CACNA1A: variants seen among roughly 807,000 people sequenced by gnomAD.
The protein encoded by CACNA1A is calcium voltage-gated channel subunit alpha1 A.
CACNA1A carries 57 observed loss-of-function variants against 262.4 expected under a neutral mutation model. That is an observed-to-expected ratio of 0.22 (90% CI 0.18 to 0.27). The LOEUF (loss-of-function observed/expected upper bound fraction) is 0.27, where lower values mean the gene tolerates loss of function less well. Ranked by LOEUF, CACNA1A falls within the 10% of genes least tolerant of loss-of-function variation. The pLI, the probability that CACNA1A is intolerant of heterozygous loss-of-function variation, is 1.00. For missense variants in CACNA1A, 2,526 were observed against 3,562.8 expected (o/e 0.71, Z 7.41); for synonymous variants, 1,431 against 1,419.3 (o/e 1.01, Z -0.18).
At chr19:13,401,884 C>T (rs538776943) in intron 3 of CACNA1A, among the ~76,000 whole-genome samples, 2 of 152,144 alleles carry the variant, frequency 1.3e-5, no homozygotes, top group Non-Finnish European at 2.9e-5. Context: ...ACTGTGTTGC[C>T]CAGGTTGGCG....
intron 38 of CACNA1A, among the ~76,000 whole-genome samples, chr19:13,221,609 G>A (rs1473715702): frequency 6.6e-6 from 1 of 151,848 alleles, no homozygotes; most frequent in African/African-American, 2.4e-5. Flanking sequence ...ATCCCCTTTC[G>A]GGCCTCCGAA....
intron 19 of CACNA1A, among the ~76,000 whole-genome samples, chr19:13,297,796 C>T (rs1256122418): frequency 6.6e-6 from 1 of 151,710 alleles, no homozygotes; most frequent in Non-Finnish European, 1.5e-5. Flanking sequence ...GGGCAACAGG[C>T]GAGACCCTGT....
intron 6 of CACNA1A, among the ~76,000 whole-genome samples, chr19:13,351,694 G>A (rs1377120937): frequency 6.6e-6 from 1 of 152,116 alleles, no homozygotes; most frequent in Non-Finnish European, 1.5e-5. Flanking sequence ...ATTTTTAGTA[G>A]AGACGGGGTT....
chr19:13,319,891 G>A (rs191940036), intron 10 of CACNA1A, among the ~76,000 whole-genome samples: 1 of 152,298 alleles, frequency 6.6e-6, no homozygotes, highest in East Asian at 1.9e-4. Context: ...CTAGTAACCA[G>A]TGAAGATGTG....
intron 3 of CACNA1A, among the ~76,000 whole-genome samples, chr19:13,380,509 T>C (rs1412320130): frequency 6.7e-6 from 1 of 150,142 alleles, no homozygotes; most frequent in Non-Finnish European, 1.5e-5. Context: ...TAGCTGGGCG[T>C]GGCGGTGGGC....
chr19:13,263,495 T>C (rs2056787839), intron 24 of CACNA1A: 1 of 152,102 alleles, frequency 6.6e-6, no homozygotes, highest in Non-Finnish European at 1.5e-5. Context: ...AAGCCCTTGG[T>C]CTAGGAGTTT....
At position 13,209,518 on chromosome 19, in the gene CACNA1A, G is replaced by A. The variant is rs1421970804; in HGVS notation, c.6340-20C>T. 8 of 1,285,852 alleles carry A rather than the reference G, an allele frequency of 6.2e-6. No individual in the cohort carries two copies. The highest frequency in any genetic ancestry group is 3.1e-5 in the South Asian group (1 of 32,406). 79.7% of individuals were successfully genotyped at this position (1,285,852 alleles called of 1,614,324 possible). A position where few individuals can be genotyped will look rare whatever the true frequency, so the allele number is the denominator to read the frequency against. ...GATGGTCTGGGGGAGGGGACAGGCC[G>A]GTGGGCTGGGGTCAGCAGCTAGCAC... On this transcript the variant is annotated intron_variant, in intron 44 of 46. Coordinates refer to ENST00000360228, the MANE Select transcript of CACNA1A (RefSeq NM_001127222.2).
chr19:13,209,071 C>T, intron 45 of CACNA1A, 62 bp from the exon 46 acceptor site: 1 of 1,532,954 alleles, frequency 6.5e-7, no homozygotes, highest in Non-Finnish European at 8.7e-7. Flanking sequence ...GGGGCAGATG[C>T]ACACACAGGA....
chr19:13,411,780 C>T (rs2060114771), intron 3 of CACNA1A, among the ~76,000 whole-genome samples: 2 of 152,038 alleles, frequency 1.3e-5, no homozygotes, highest in South Asian at 2.1e-4. Flanking sequence ...GGTGCAACTA[C>T]AGCTCACTAC....
intron 1 of CACNA1A, among the ~76,000 whole-genome samples, chr19:13,487,194 G>A (rs1278119753): frequency 2.0e-5 from 3 of 152,152 alleles, no homozygotes; most frequent in African/African-American, 7.2e-5. Flanking sequence ...TTAACTAGGA[G>A]AAACCCAGCT....
At position 13,504,686 on chromosome 19, in the gene CACNA1A, C is replaced by T. The variant is rs1479026135; in HGVS notation, c.293+1246G>A. On this transcript the variant is annotated intron_variant, in intron 1 of 46. Transcript: ENST00000360228. ...TTACACAGAGGGCAGCTGGTTGGAA[C>T]TGTGCGGAGAAGCGGCACATCTGGG... Among the ~76,000 whole-genome samples the T allele has an allele frequency of 3.9e-5, 6 of 152,348 alleles. No homozygotes were observed. The East Asian group carries it at 1.2e-3, about 29-fold the overall frequency.
At chr19:13,268,648 A>G (rs2056930462) in intron 24 of CACNA1A, among the ~76,000 whole-genome samples, 1 of 151,862 alleles carries the variant, frequency 6.6e-6, no homozygotes, top group Non-Finnish European at 1.5e-5. Context: ...GTTAGCCAGG[A>G]TGGTCTCCAT....
At chr19:13,477,669 A>G (rs925467246) in intron 1 of CACNA1A, among the ~76,000 whole-genome samples, 1 of 152,214 alleles carries the variant, frequency 6.6e-6, no homozygotes, top group African/African-American at 2.4e-5. Context: ...GACAAAATAG[A>G]TAAAGCTGAG....
chr19:13,328,494 A>G (rs1200164466), intron 10 of CACNA1A, among the ~76,000 whole-genome samples: 3 of 152,344 alleles, frequency 2.0e-5, no homozygotes, highest in African/African-American at 7.2e-5. Flanking sequence ...TGGGGAATCC[A>G]TGAACATATG....
chr19:13,310,515 T>TGTAGAGAGAG (rs1555760548), intron 12 of CACNA1A, among the ~76,000 whole-genome samples: 1 of 69,372 alleles, frequency 1.4e-5, no homozygotes, highest in Non-Finnish European at 2.6e-5. Context: ...TATATATATG[T>TGTAGAGAGAG]AGAGAGAGAG....
chr19:13,213,566 C>T (rs978102930), intron 40 of CACNA1A, among the ~76,000 whole-genome samples: 3 of 152,034 alleles, frequency 2.0e-5, no homozygotes, highest in Non-Finnish European at 4.4e-5. Context: ...CCCATGGGTG[C>T]ATCCCCGAGG....
intron 1 of CACNA1A, among the ~76,000 whole-genome samples, chr19:13,491,292 G>A (rs1379892324): frequency 6.6e-6 from 1 of 152,178 alleles, no homozygotes; most frequent in African/African-American, 2.4e-5. Context: ...AAAAATAAGT[G>A]CCATGAGCTC....
At chr19:13,230,623 G>C (rs1291718523) in intron 35 of CACNA1A, among the ~76,000 whole-genome samples, 2 of 151,976 alleles carry the variant, frequency 1.3e-5, no homozygotes, top group African/African-American at 2.4e-5. Flanking sequence ...TGGTCAACAT[G>C]GTGAAACACT....
intron 6 of CACNA1A, among the ~76,000 whole-genome samples, chr19:13,344,895 C>T (rs2058737431): frequency 6.6e-6 from 1 of 151,948 alleles, no homozygotes; most frequent in Admixed American, 6.6e-5. Flanking sequence ...GCTGGGATTA[C>T]AGGCACGCAC....
Sources: gnomAD v4.1 joint callset for allele counts (sites outside exome capture counted in the v4.1 genomes callset) on GRCh38, gnomAD v4.1.1 for gene constraint, MANE v1.5 for transcripts, NCBI Gene and HGNC (gene_info 2026-07-23, HGNC 2026-07-21) for gene names.